The following KIAA0930 variants were observed in gnomAD, a reference collection of about 807,000 sequenced individuals.
The protein encoded by KIAA0930 is uncharacterized protein KIAA0930.
A neutral mutation model predicts 43.9 loss-of-function variants in KIAA0930; 24 were observed. The ratio of observed to expected loss-of-function variants is 0.55; its 90% CI spans 0.40 to 0.77. The LOEUF (loss-of-function observed/expected upper bound fraction) is 0.77. KIAA0930 is among the 30% of genes least tolerant of loss of function. The pLI is 0.00. For synonymous variants in KIAA0930, 259 were observed against 216.4 expected (o/e 1.20, Z -1.73); for missense variants, 461 against 574.2 (o/e 0.80, Z 2.02).
rs747597820 is a variant in KIAA0930 at position 45,203,999 on chromosome 22, CAA to C, written c.517-16_517-15del. 4 of 1,613,598 alleles carry C rather than the reference CAA, an allele frequency of 2.5e-6. No homozygotes were observed. Among genetic ancestry groups the C allele is most frequent in the East Asian group, 4.5e-5 (2 of 44,842 alleles). ...GTCGCTGAACACCTGGGCCAGGACA[CAA>C]AGAGACAGGGACGTGACCATCAGCT... On this transcript the variant is annotated splice_polypyrimidine_tract_variant and intron_variant, in intron 5 of 9. Coordinates refer to ENST00000336156, the MANE Select transcript of KIAA0930 (RefSeq NM_001009880.2).
chr22:45,197,149 G>C lies in KIAA0930; in HGVS notation c.*27C>G. 1 of 1,534,968 alleles carries C rather than the reference G, an allele frequency of 6.5e-7. No individual in the cohort carries two copies. The highest frequency in any genetic ancestry group is 8.8e-7 in the Non-Finnish European group (1 of 1,137,710). On this transcript the variant is annotated 3_prime_UTR_variant, in exon 10 of 10. Transcript: ENST00000336156. ...AGCACTCCGAGGGCTGGGCCCGGCC[G>C]GGGCTCTGCGCAGGCTCCGCACGCG... is the stretch of plus-strand genomic sequence containing the variant.
chr22:45,197,392 G>A (rs567956166), intron 9 of KIAA0930, among the ~76,000 whole-genome samples, 176 bp from the exon 10 acceptor site: 1 of 152,324 alleles, frequency 6.6e-6, no homozygotes, highest in African/African-American at 2.4e-5. Flanking sequence ...TGCAGACTGG[G>A]AAATGGGCTC....
intron 1 of KIAA0930, among the ~76,000 whole-genome samples, chr22:45,229,609 A>T (rs2083839166): frequency 6.6e-6 from 1 of 152,194 alleles, no homozygotes; most frequent in Admixed American, 6.5e-5. Context: ...GAGGCCACAG[A>T]AGGGCCCTAG....
In KIAA0930 at chr22:45,197,122, G is replaced by A. The variant is rs1447409718; in HGVS notation, c.*54C>T. 6 of 1,454,464 alleles carry A rather than the reference G, an allele frequency of 4.1e-6. No individual in the cohort carries two copies. The highest frequency in any genetic ancestry group is 5.6e-6 in the Non-Finnish European group (6 of 1,080,564). 90.1% of individuals were successfully genotyped at this position (1,454,464 alleles called of 1,614,324 possible). ...GTGGCGGTGGACAGGTAGGCACTTGGCAGCACTCCGAGGGCTGGGCCCGGC... is the reference window on the plus strand; with the variant it reads ...GTGGCGGTGGACAGGTAGGCACTTGACAGCACTCCGAGGGCTGGGCCCGGC... On this transcript the variant is annotated 3_prime_UTR_variant, in exon 10 of 10. Coordinates refer to ENST00000336156, the MANE Select transcript of KIAA0930 (RefSeq NM_001009880.2).
intron 7 of KIAA0930, 189 bp from the exon 8 acceptor site, chr22:45,200,224 C>T: frequency 2.0e-6 from 1 of 503,992 alleles, no homozygotes. Flanking sequence ...GCGTTCCAGC[C>T]CAGGGGCCAG....
At chr22:45,224,741 G>A (rs2083788224) in intron 1 of KIAA0930, among the ~76,000 whole-genome samples, 1 of 152,162 alleles carries the variant, frequency 6.6e-6, no homozygotes, top group Non-Finnish European at 1.5e-5. Context: ...AATCAAGCAG[G>A]CAAAGGTGGA....
At chr22:45,202,125 T>C (rs1210997950) in intron 7 of KIAA0930, among the ~76,000 whole-genome samples, 1 of 152,242 alleles carries the variant, frequency 6.6e-6, no homozygotes, top group Non-Finnish European at 1.5e-5. Flanking sequence ...GCGTCTCTCC[T>C]GGACAATGGC....
intron 9 of KIAA0930, 145 bp downstream of exon 9, chr22:45,197,645 A>G: frequency 2.6e-6 from 2 of 783,838 alleles, no homozygotes; most frequent in Non-Finnish European, 4.1e-6. Flanking sequence ...AGTCTGAGAC[A>G]AAGAGGCCAA....
intron 7 of KIAA0930, 149 bp downstream of exon 7, chr22:45,202,841 C>T (rs1040259549): frequency 7.2e-5 from 46 of 638,732 alleles, no homozygotes; most frequent in Non-Finnish European, 9.8e-5. Flanking sequence ...CTGGGTGGTC[C>T]GGGCCTCCGC....
At chr22:45,198,657 T>G (rs574290627) in intron 8 of KIAA0930, among the ~76,000 whole-genome samples, 1 of 152,310 alleles carries the variant, frequency 6.6e-6, no homozygotes, top group Non-Finnish European at 1.5e-5. Context: ...CGTCGTTTTT[T>G]TTTGTTTGTT....
chr22:45,233,899 G>A (rs1390924772), intron 1 of KIAA0930, among the ~76,000 whole-genome samples: 1 of 152,234 alleles, frequency 6.6e-6, no homozygotes, highest in Non-Finnish European at 1.5e-5. Flanking sequence ...CCGCATGCAG[G>A]AGGGATCAGA....
chr22:45,214,345 C>T (rs992694663), intron 1 of KIAA0930, among the ~76,000 whole-genome samples: 2 of 152,130 alleles, frequency 1.3e-5, no homozygotes, highest in East Asian at 1.9e-4. Flanking sequence ...CATCTTTATT[C>T]GTAACGGCCA....
chr22:45,216,042 A>C (rs1253336267), intron 1 of KIAA0930, among the ~76,000 whole-genome samples: 1 of 152,056 alleles, frequency 6.6e-6, no homozygotes, highest in African/African-American at 2.4e-5. Flanking sequence ...AAAAAACAAA[A>C]GAAAGGGAGC....
chr22:45,198,359 C>T (rs1329710126), intron 8 of KIAA0930, among the ~76,000 whole-genome samples: 13 of 152,250 alleles, frequency 8.5e-5, no homozygotes. Context: ...GTCCTGCGGT[C>T]CAGGCTGGGG....
intron 1 of KIAA0930, among the ~76,000 whole-genome samples, chr22:45,228,477 G>A (rs971100362): frequency 5.3e-5 from 8 of 152,212 alleles, no homozygotes; most frequent in Middle Eastern, 3.4e-3. Context: ...CCTTCCTCAG[G>A]CAGAGATAGA....
At position 45,192,271 on chromosome 22, in the gene KIAA0930, C is replaced by T. The variant is rs141746458; in HGVS notation, c.*4905G>A. 3 of 152,202 alleles carry T rather than the reference C, an allele frequency of 2.0e-5. No homozygotes were observed. The East Asian group carries it at 5.8e-4, about 29-fold the overall frequency. 9.4% of individuals were successfully genotyped at this position (152,202 alleles called of 1,614,324 possible). On this transcript the variant is annotated 3_prime_UTR_variant, in exon 10 of 10. Coordinates refer to ENST00000336156, the MANE Select transcript of KIAA0930 (RefSeq NM_001009880.2). ...CAGAAAAAAAAAATTTAATATTCAA[C>T]ATGCAAAACAACCTTTAAAAGAAAC...
chr22:45,212,353 C>G (rs1261665018), intron 1 of KIAA0930: 1 of 1,606,586 alleles, frequency 6.2e-7, no homozygotes, highest in South Asian at 1.1e-5. Context: ...TGCTCCCAGC[C>G]CCACAGCTGA....
intron 1 of KIAA0930, chr22:45,212,525 C>A: frequency 7.1e-7 from 1 of 1,411,632 alleles, no homozygotes; most frequent in Non-Finnish European, 9.2e-7. Context: ...CATCTCTCAC[C>A]CCCACCCACT....
At chr22:45,200,242 C>T (rs764646108) in intron 7 of KIAA0930, 20 of 466,284 alleles carry the variant, frequency 4.3e-5, no homozygotes, top group Non-Finnish European at 6.3e-5. Context: ...CAGCAGGACA[C>T]CTGGCCACCA....
Sources: allele counts gnomAD v4.1 joint callset (sites outside exome capture counted in the v4.1 genomes callset), GRCh38; gene constraint gnomAD v4.1.1; transcripts MANE v1.5; gene names NCBI Gene and HGNC (gene_info 2026-07-23, HGNC 2026-07-21).